The following SBNO1 variants were observed in gnomAD, a reference collection of about 807,000 sequenced individuals.
The protein encoded by SBNO1 is strawberry notch homolog 1.
In SBNO1, 23 loss-of-function variants were observed where a neutral mutation model predicts 173.6. That is an observed-to-expected ratio of 0.13 (90% confidence interval 0.10 to 0.19). The LOEUF (loss-of-function observed/expected upper bound fraction) is 0.19, where lower values mean the gene tolerates loss of function less well. Ranked by LOEUF, SBNO1 falls within the 10% of genes least tolerant of loss-of-function variation. The pLI is 1.00. For synonymous variants in SBNO1, 632 were observed against 571.5 expected, an observed-to-expected ratio of 1.11 and a Z score of -1.51; for missense variants, 1,238 against 1,671.2, an observed-to-expected ratio of 0.74 and a Z score of 4.52.
intron 18 of SBNO1, 34 bp from the exon 19 acceptor site, chr12:123,320,641 A>C: frequency 6.3e-7 from 1 of 1,599,016 alleles, no homozygotes; most frequent in African/African-American, 1.4e-5. Context: ...AGTTAGTACA[A>C]AGTTTAAATA....
At chr12:123,317,519 T>C (rs1461568110) in intron 20 of SBNO1, among the ~76,000 whole-genome samples, 163 bp from the exon 21 acceptor site, 1 of 152,118 alleles carries the variant, frequency 6.6e-6, no homozygotes, top group Admixed American at 6.6e-5. Context: ...GTGTGAACAT[T>C]CTCCAGCCAG....
intron 5 of SBNO1, among the ~76,000 whole-genome samples, chr12:123,340,449 C>G (rs950217514): frequency 2.4e-4 from 37 of 151,750 alleles, no homozygotes; most frequent in African/African-American, 8.5e-4. Flanking sequence ...AGCATGGTGG[C>G]ACATGCCTGT....
chr12:123,322,233 T>C (rs557800609), intron 16 of SBNO1, among the ~76,000 whole-genome samples: 2 of 152,156 alleles, frequency 1.3e-5, no homozygotes, highest in East Asian at 3.9e-4. Context: ...CCCTGGCTCA[T>C]GTGATCCTCC....
intron 13 of SBNO1, among the ~76,000 whole-genome samples, 167 bp downstream of exon 13, chr12:123,327,258 GC>G (rs1870716976): frequency 6.6e-6 from 1 of 152,068 alleles, no homozygotes; most frequent in Non-Finnish European, 1.5e-5. Flanking sequence ...TGACCTGCTC[GC>G]CTCAGCCTCC....
At chr12:123,306,192 A>T (rs1190976030) in intron 28 of SBNO1, among the ~76,000 whole-genome samples, 1 of 152,220 alleles carries the variant, frequency 6.6e-6, no homozygotes, top group Non-Finnish European at 1.5e-5. Context: ...GCTGACAGGA[A>T]ATATCCAAAC....
chr12:123,337,222 G>A (rs1174228635), intron 5 of SBNO1, among the ~76,000 whole-genome samples: 3 of 152,080 alleles, frequency 2.0e-5, no homozygotes, highest in Admixed American at 6.6e-5. Context: ...GACTGTCCTC[G>A]GCAAACCAAG....
intron 1 of SBNO1, among the ~76,000 whole-genome samples, chr12:123,358,552 G>A (rs567634914): frequency 6.6e-6 from 1 of 151,736 alleles, no homozygotes; most frequent in Non-Finnish European, 1.5e-5. Flanking sequence ...AGGAGATAGA[G>A]ACCACAGTGA....
chr12:123,302,985 G>A, intron 29 of SBNO1, 85 bp from the exon 30 acceptor site: 1 of 1,006,732 alleles, frequency 9.9e-7, no homozygotes, highest in Non-Finnish European at 1.6e-6. Context: ...TCTAGAGGTA[G>A]CCAATTTAAA....
chr12:123,320,005 C>T lies in SBNO1; in HGVS notation c.2694G>A (p.Val898=), dbSNP rs1869765010. The T allele has an allele frequency of 6.2e-7, 1 of 1,613,950 alleles. No individual in the cohort carries two copies. The highest frequency in any genetic ancestry group is 1.3e-5 in the African/African-American group (1 of 74,912). The change falls in exon 20 of 32, where the codon GTG becomes GTA. Residue 898 remains valine (V), a synonymous_variant. Transcript: ENST00000602398. ...AAGATATGCTTCCATCATCATTGCTCACAACCCGTCCCTTGCGGCCAGTCA... is the reference window on the plus strand; with the variant it reads ...AAGATATGCTTCCATCATCATTGCTTACAACCCGTCCCTTGCGGCCAGTCA... ...AEMTGRKGRV[V]SNDDGSISYE... is the part of the protein sequence containing the mutation.
chr12:123,358,752 AAAAAAAAAAAAAAAAG>A (rs1342869886), intron 1 of SBNO1, among the ~76,000 whole-genome samples: 21 of 139,546 alleles, frequency 1.5e-4, no homozygotes, highest in African/African-American at 5.3e-4. Context: ...CAAAAAAAAA[AAAAAAAAAAAAAAAAG>A]AAGAAGAAAA....
intron 20 of SBNO1, among the ~76,000 whole-genome samples, chr12:123,318,151 A>G (rs1252560566): frequency 6.6e-6 from 1 of 152,126 alleles, no homozygotes; most frequent in East Asian, 1.9e-4. Flanking sequence ...GCAGGGTCCC[A>G]TTATGTTGCC....
In SBNO1 at chr12:123,304,659, A is replaced by G. The variant is rs1477102219; in HGVS notation, c.3691T>C (p.Phe1231Leu). 6.4e-7 allele frequency: 1 copy of G among 1,571,108 alleles called. No homozygotes were observed. The highest frequency in any genetic ancestry group is 8.8e-7 in the Non-Finnish European group (1 of 1,142,822). Residue 1231 changes from phenylalanine (F) to leucine (L), a missense_variant, in exon 29 of 32, where the codon TTC becomes CTC. Around this residue, in one of 14 missense-constraint regions of SBNO1, gnomAD observed 351 missense variants for 420.3 expected, o/e 0.84. Transcript: ENST00000602398. ...VKEVNPKKKL[F>L]LVYRPNTGKQ... ...CCAGTATTTGGTCGATAAACTAAGA[A>G]AAGTTTCTTTTTAGGATTCACTTCT...
At position 123,322,201 on chromosome 12, in the gene SBNO1, T is replaced by C. The variant is rs148829761; in HGVS notation, c.2126-469A>G. The stretch of plus-strand genomic sequence containing the variant: ...AGGCTGGAGTGCAGTGGCACAATCA[T>C]AGCTCACTGCAGCCTCGACTTCCCT... On this transcript the variant is annotated intron_variant, in intron 16 of 31. Transcript: ENST00000602398. Among the ~76,000 whole-genome samples, 736 of 152,272 alleles carry C rather than the reference T, an allele frequency of 4.8e-3. 5 individuals carry two copies. Among genetic ancestry groups the C allele is most frequent in the African/African-American group, 0.017 (710 of 41,558 alleles).
In SBNO1 at chr12:123,309,522, T is replaced by G. The variant is rs753291961; in HGVS notation, c.3504A>C (p.Gly1168=). Residue 1168 remains glycine (G), a synonymous_variant, in exon 27 of 32, where the codon GGA becomes GGC. Transcript: ENST00000602398. ...ATTCTACGTGGCCAGAGGTTGAATA[T>G]CCTGGAGTCAGAAACTTTTTAACAT... ...KSDVKKFLTP[G]YSTSGHVELY... 6.2e-7 allele frequency: 1 copy of G among 1,613,870 alleles called. No homozygotes were observed. The highest frequency in any genetic ancestry group is 8.5e-7 in the Non-Finnish European group (1 of 1,179,844).
At chr12:123,359,382 CAT>C (rs1388387211) in intron 1 of SBNO1, among the ~76,000 whole-genome samples, 2 of 151,332 alleles carry the variant, frequency 1.3e-5, no homozygotes, top group African/African-American at 2.4e-5. Context: ...CCAACATATA[CAT>C]ATATGTCTCT....
intron 1 of SBNO1, among the ~76,000 whole-genome samples, chr12:123,362,339 G>GCT (rs1875379394): frequency 6.7e-6 from 1 of 150,232 alleles, no homozygotes; most frequent in Admixed American, 6.7e-5. Context: ...GGGAGGCTGA[G>GCT]GCAGGAGAAT....
At chr12:123,319,470 C>T (rs1239082513) in intron 20 of SBNO1, among the ~76,000 whole-genome samples, 1 of 151,982 alleles carries the variant, frequency 6.6e-6, no homozygotes, top group Non-Finnish European at 1.5e-5. Context: ...TGTAGTGGTG[C>T]GATCTCGGCT....
chr12:123,289,611 G>A lies in SBNO1; in HGVS notation c.*6297C>T, dbSNP rs997466353. 6.6e-6 allele frequency: 1 copy of A among 152,224 alleles called. No individual in the cohort carries two copies. Among genetic ancestry groups the A allele is most frequent in the Non-Finnish European group, 1.5e-5 (1 of 68,042 alleles). 9.4% of individuals were successfully genotyped at this position (152,224 alleles called of 1,614,324 possible). A position where few individuals can be genotyped will look rare whatever the true frequency, so the allele number is the denominator to read the frequency against. On this transcript the variant is annotated 3_prime_UTR_variant, in exon 32 of 32. Coordinates refer to ENST00000602398, the MANE Select transcript of SBNO1 (RefSeq NM_001167856.3). ...ATAGAAAAGTATCCTTTGCTCAGAG[G>A]AGGTAGAACCTGGCCAAAGTTTTAT...
intron 1 of SBNO1, chr12:123,363,798 T>C (rs1875700181): frequency 1.1e-6 from 1 of 922,096 alleles, no homozygotes. Flanking sequence ...ATCAAGTTAG[T>C]GGTCCGCAAA....
Sources: gnomAD v4.1 joint callset for allele counts (sites outside exome capture counted in the v4.1 genomes callset) on GRCh38, gnomAD v4.1.1 for gene constraint, gnomAD v4.1.1 regional missense constraint, MANE v1.5 for transcripts, NCBI Gene and HGNC (gene_info 2026-07-23, HGNC 2026-07-21) for gene names.